BTRC: variants seen among roughly 807,000 people sequenced by gnomAD.
BTRC encodes the protein beta-transducin repeat containing E3 ubiquitin protein ligase.
Under a neutral mutation model 85.5 loss-of-function variants are expected in BTRC, and 42 were observed. The observed-to-expected ratio is 0.49, with a 90% CI of 0.38 to 0.64. The LOEUF (loss-of-function observed/expected upper bound fraction) is 0.64, where lower values mean the gene tolerates loss of function less well. Among genes scored for constraint, BTRC ranks in the 30% least tolerant of loss-of-function variants. The pLI is 0.00. For synonymous variants in BTRC, 255 were observed against 263.3 expected, an observed-to-expected ratio of 0.97 and a Z score of 0.30; for missense variants, 594 against 743.5, an observed-to-expected ratio of 0.80 and a Z score of 2.34.
chr10:101,401,916 G>GA (rs1943503167), intron 1 of BTRC, among the ~76,000 whole-genome samples: 1 of 151,338 alleles, frequency 6.6e-6, no homozygotes, highest in Admixed American at 6.6e-5. Context: ...AAGGAAAAAA[G>GA]AAAAACAGAA....
At chr10:101,372,070 G>A (rs1025933588) in intron 1 of BTRC, among the ~76,000 whole-genome samples, 1 of 151,720 alleles carries the variant, frequency 6.6e-6, no homozygotes, top group Non-Finnish European at 1.5e-5. Context: ...ATATATGTAT[G>A]TAGGCCTGCT....
At chr10:101,509,852 A>G (rs1946653809) in intron 4 of BTRC, among the ~76,000 whole-genome samples, 1 of 150,376 alleles carries the variant, frequency 6.6e-6, no homozygotes, top group South Asian at 2.1e-4. Context: ...ATGAGCCACC[A>G]TGCCTGACTG....
chr10:101,545,261 G>A (rs2062541427), intron 13 of BTRC, among the ~76,000 whole-genome samples: 1 of 151,796 alleles, frequency 6.6e-6, no homozygotes, highest in Admixed American at 6.6e-5. Context: ...GGTTTTGTTT[G>A]TATTTTTCCT....
In BTRC at chr10:101,556,172, A is replaced by T. The variant is rs1406391485; in HGVS notation, c.*3049A>T. 2.0e-5 allele frequency: 3 copies of T among 152,156 alleles called. No individual in the cohort carries two copies. In the East Asian group the frequency reaches 5.8e-4, roughly 29 times the overall value. 9.4% of individuals were successfully genotyped at this position (152,156 alleles called of 1,614,324 possible). A position where few individuals can be genotyped will look rare whatever the true frequency, so the allele number is the denominator to read the frequency against. Reference sequence around the variant, plus strand: ...AACTAGAAAAGTCTGTGAGACCCCTACATCATTCTGGTTTTTTTGCTTGAG... The same window carrying T: ...AACTAGAAAAGTCTGTGAGACCCCTTCATCATTCTGGTTTTTTTGCTTGAG... On this transcript the variant is annotated 3_prime_UTR_variant, in exon 15 of 15. Transcript: ENST00000370187.
intron 11 of BTRC, among the ~76,000 whole-genome samples, chr10:101,535,741 A>G (rs1266911548): frequency 2.0e-5 from 3 of 152,222 alleles, no homozygotes; most frequent in Admixed American, 1.3e-4. Flanking sequence ...TTTTTAAGAA[A>G]TGAAAAGAAA....
At chr10:101,479,687 A>T (rs1429343958) in intron 4 of BTRC, among the ~76,000 whole-genome samples, 2 of 152,180 alleles carry the variant, frequency 1.3e-5, no homozygotes, top group Non-Finnish European at 2.9e-5. Context: ...ACTGATTCAC[A>T]TTTGTTTCTT....
intron 2 of BTRC, among the ~76,000 whole-genome samples, chr10:101,436,426 C>T (rs1944531011): frequency 6.6e-6 from 1 of 152,122 alleles, no homozygotes; most frequent in Non-Finnish European, 1.5e-5. Flanking sequence ...TGGCGGATCA[C>T]ATGAGCCCAG....
chr10:101,522,490 G>A lies in BTRC; in HGVS notation c.556+620G>A, dbSNP rs1299627846. 6.5e-5 allele frequency among the ~76,000 whole-genome samples: 8 copies of A among 123,414 alleles called. 2 individuals are homozygous for A. In the South Asian group the frequency reaches 1.3e-3, roughly 20 times the overall value. 81.0% of individuals were successfully genotyped at this position (123,414 alleles called of 152,430 possible). A position where few individuals can be genotyped will look rare whatever the true frequency, so the allele number is the denominator to read the frequency against. ...GGCTGGAGTGCAGTGGCGCGATCTC[G>A]GCTCATTGCAACCTCTGCCTCCCAG... is the stretch of plus-strand genomic sequence containing the variant. On this transcript the variant is annotated intron_variant, in intron 5 of 14. Coordinates refer to ENST00000370187, the MANE Select transcript of BTRC (RefSeq NM_033637.4).
chr10:101,392,988 C>A (rs1943276007), intron 1 of BTRC, among the ~76,000 whole-genome samples: 1 of 152,178 alleles, frequency 6.6e-6, no homozygotes, highest in South Asian at 2.1e-4. Flanking sequence ...CTGTCTCCTG[C>A]CCTTCTTTCA....
intron 4 of BTRC, among the ~76,000 whole-genome samples, chr10:101,498,871 T>C (rs969956927): frequency 3.3e-5 from 5 of 151,828 alleles, no homozygotes; most frequent in Non-Finnish European, 7.4e-5. Flanking sequence ...TGCGCGCCTG[T>C]AATCCCAGCT....
chr10:101,513,875 C>T (rs889596365), intron 4 of BTRC, among the ~76,000 whole-genome samples: 2 of 152,200 alleles, frequency 1.3e-5, no homozygotes, highest in African/African-American at 4.8e-5. Flanking sequence ...GTAGTTGTAC[C>T]ATTAAACGTG....
intron 1 of BTRC, among the ~76,000 whole-genome samples, chr10:101,373,013 T>G (rs1942683755): frequency 6.6e-6 from 1 of 152,176 alleles, no homozygotes; most frequent in African/African-American, 2.4e-5. Flanking sequence ...GTCTTTCCAT[T>G]TATTTAGGTT....
intron 2 of BTRC, among the ~76,000 whole-genome samples, chr10:101,447,965 A>G (rs890215930): frequency 6.6e-6 from 1 of 152,174 alleles, no homozygotes; most frequent in African/African-American, 2.4e-5. Context: ...AATTTTCTAT[A>G]ATTCAGTGAC....
intron 1 of BTRC, among the ~76,000 whole-genome samples, chr10:101,410,765 T>C (rs1943754316): frequency 6.6e-6 from 1 of 152,176 alleles, no homozygotes; most frequent in Admixed American, 6.5e-5. Flanking sequence ...AGAGATATGA[T>C]TTACAAAACA....
chr10:101,489,226 G>C (rs1946066630), intron 4 of BTRC, among the ~76,000 whole-genome samples: 1 of 151,918 alleles, frequency 6.6e-6, no homozygotes, highest in African/African-American at 2.4e-5. Context: ...ATACCAAATA[G>C]TATCTAGGAC....
chr10:101,513,485 T>C (rs778419530), intron 4 of BTRC, among the ~76,000 whole-genome samples: 12 of 152,230 alleles, frequency 7.9e-5, no homozygotes, highest in Non-Finnish European at 1.6e-4. Flanking sequence ...TCTGTTTTTC[T>C]AACAATTAGA....
intron 1 of BTRC, among the ~76,000 whole-genome samples, chr10:101,384,462 C>T (rs1388327486): frequency 6.6e-6 from 1 of 152,146 alleles, no homozygotes; most frequent in Non-Finnish European, 1.5e-5. Context: ...AAATTACTTG[C>T]CAGTCAGCAG....
intron 1 of BTRC, among the ~76,000 whole-genome samples, chr10:101,366,978 A>T (rs1193698032): frequency 1.5e-5 from 1 of 66,556 alleles, no homozygotes; most frequent in African/African-American, 5.7e-5. Flanking sequence ...ATATATATTT[A>T]TATATTTATA....
Position 101,354,173 on chromosome 10 carries a change from C to A in BTRC, c.-8C>A. Reference sequence around the variant, plus strand: ...CGGCGGAGAGCGGACCCAGTGGCCTCGGCGATTATGGACCCGGCCGAGGCG... The same window carrying A: ...CGGCGGAGAGCGGACCCAGTGGCCTAGGCGATTATGGACCCGGCCGAGGCG... On this transcript the variant is annotated 5_prime_UTR_variant, in exon 1 of 15. Transcript: ENST00000370187. 6.5e-7 allele frequency: 1 copy of A among 1,548,792 alleles called. No homozygotes were observed. Among genetic ancestry groups the A allele is most frequent in the Non-Finnish European group, 8.7e-7 (1 of 1,146,632 alleles).
Sources: gnomAD v4.1 joint callset for allele counts (sites outside exome capture counted in the v4.1 genomes callset) on GRCh38, gnomAD v4.1.1 for gene constraint, MANE v1.5 for transcripts, NCBI Gene and HGNC (gene_info 2026-07-23, HGNC 2026-07-21) for gene names.